The following TRIM2 variants were observed in gnomAD, a reference collection of about 807,000 sequenced individuals.
TRIM2 encodes tripartite motif containing 2.
Under a neutral mutation model 75.2 loss-of-function variants are expected in TRIM2, and 20 were observed. That is an observed-to-expected ratio of 0.27 (90% confidence interval 0.19 to 0.39). The LOEUF is 0.39. Ranked by LOEUF, TRIM2 falls within the 10% of genes least tolerant of loss-of-function variation. TRIM2 has a pLI of 1.00. For synonymous variants in TRIM2, 373 were observed against 388.3 expected, an observed-to-expected ratio of 0.96 and a Z score of 0.46; for missense variants, 660 against 990.8, an observed-to-expected ratio of 0.67 and a Z score of 4.48.
chr4:153,186,245 C>A (rs531921744), intron 1 of TRIM2, among the ~76,000 whole-genome samples: 46 of 152,164 alleles, frequency 3.0e-4, no homozygotes, highest in Non-Finnish European at 1.6e-4. Flanking sequence ...AACTGGGTCA[C>A]TTTTCCTCCT....
At chr4:153,170,179 G>A (rs772419209) in intron 1 of TRIM2, among the ~76,000 whole-genome samples, 3 of 152,206 alleles carry the variant, frequency 2.0e-5, no homozygotes, top group Non-Finnish European at 2.9e-5. Flanking sequence ...GAAGGAGAAT[G>A]AAGGGTAAGA....
At chr4:153,280,189 TAGTAA>T (rs1358928564) in intron 3 of TRIM2, among the ~76,000 whole-genome samples, 1 of 151,088 alleles carries the variant, frequency 6.6e-6, no homozygotes, top group Non-Finnish European at 1.5e-5. Flanking sequence ...ACACATAGTA[TAGTAA>T]GTTTATTAAA....
chr4:153,279,421 G>T (rs146610974), intron 3 of TRIM2, among the ~76,000 whole-genome samples: 58 of 151,824 alleles, frequency 3.8e-4, no homozygotes, highest in African/African-American at 1.3e-3. Context: ...ACATGTTTAT[G>T]GGGAAAAAAC....
At chr4:153,313,435 AT>A (rs1258078564) in intron 6 of TRIM2, among the ~76,000 whole-genome samples, 1 of 151,972 alleles carries the variant, frequency 6.6e-6, no homozygotes, top group Non-Finnish European at 1.5e-5. Flanking sequence ...CTGCCCAGCA[AT>A]TTTGTTGTTG....
intron 10 of TRIM2, among the ~76,000 whole-genome samples, chr4:153,327,141 GA>G (rs946491242): frequency 6.6e-6 from 1 of 151,978 alleles, no homozygotes; most frequent in East Asian, 1.9e-4. Context: ...AAAAGAGTCA[GA>G]AAAAAAATTT....
At chr4:153,178,358 G>C (rs2149629930) in intron 1 of TRIM2, among the ~76,000 whole-genome samples, 1 of 152,258 alleles carries the variant, frequency 6.6e-6, no homozygotes, top group South Asian at 2.1e-4. Flanking sequence ...TCGATGACCA[G>C]TTACTGTACT....
chr4:153,324,602 C>G (rs1326319916), intron 10 of TRIM2: 3 of 160,164 alleles, frequency 1.9e-5, no homozygotes, highest in African/African-American at 7.2e-5. Context: ...ATATTTTATA[C>G]TTCTTAGAAT....
chr4:153,185,865 T>G (rs1033239453), intron 1 of TRIM2, among the ~76,000 whole-genome samples: 3 of 152,078 alleles, frequency 2.0e-5, no homozygotes, highest in Admixed American at 2.0e-4. Context: ...GAGGAGGAGT[T>G]TGATAAGAAA....
intron 6 of TRIM2, among the ~76,000 whole-genome samples, chr4:153,311,894 T>TTTATTTATTTA (rs1766409791): frequency 6.9e-6 from 1 of 144,298 alleles, no homozygotes; most frequent in African/African-American, 2.6e-5. Flanking sequence ...GTTTTTATTC[T>TTTATTTATTTA]TTTATTTATT....
intron 11 of TRIM2, among the ~76,000 whole-genome samples, chr4:153,333,236 A>G (rs1771885415): frequency 1.3e-5 from 2 of 152,350 alleles, no homozygotes; most frequent in Non-Finnish European, 1.5e-5. Context: ...TACATACTAT[A>G]TGATTCTATT....
chr4:153,254,937 G>A (rs959272173), intron 1 of TRIM2, among the ~76,000 whole-genome samples: 1 of 152,118 alleles, frequency 6.6e-6, no homozygotes, highest in African/African-American at 2.4e-5. Context: ...CCAGGCTTCA[G>A]CTATACTTAG....
At chr4:153,331,614 T>C (rs920251062) in intron 11 of TRIM2, among the ~76,000 whole-genome samples, 1 of 152,204 alleles carries the variant, frequency 6.6e-6, no homozygotes, top group African/African-American at 2.4e-5. Flanking sequence ...GCAGGATTTT[T>C]TGCAGATATA....
rs202015985 is a variant in TRIM2, at chr4:153,179,281, TTAA to T, written c.-49+26014_-49+26016del. Among the ~76,000 whole-genome samples the T allele has an allele frequency of 6.6e-3, 956 of 145,510 alleles. 10 individuals carry two copies. The highest frequency in any genetic ancestry group is 0.023 in the African/African-American group (866 of 36,894). On this transcript the variant is annotated intron_variant, in intron 1 of 11. Transcript: ENST00000437508. Reference sequence around the variant, plus strand: ...CCTACTTAATAATAAAATTAATTTATTAATATTAATACTTAAATTTATGTTAAA... The same window carrying T: ...CCTACTTAATAATAAAATTAATTTATTATTAATACTTAAATTTATGTTAAA...
intron 1 of TRIM2, among the ~76,000 whole-genome samples, chr4:153,161,495 A>G (rs1182071952): frequency 6.6e-6 from 1 of 152,224 alleles, no homozygotes; most frequent in Non-Finnish European, 1.5e-5. Context: ...AAGCAGGTGC[A>G]GGAGTTGGAG....
chr4:153,273,270 C>CTTTTTTTTTTTTTT lies in TRIM2; in HGVS notation c.216-2613_216-2600dup, dbSNP rs72414117. 1.9e-3 allele frequency among the ~76,000 whole-genome samples: 108 copies of CTTTTTTTTTTTTTT among 57,382 alleles called. 20 individuals are homozygous for CTTTTTTTTTTTTTT. Among genetic ancestry groups the CTTTTTTTTTTTTTT allele is most frequent in the South Asian group, 3.9e-3 (4 of 1,024 alleles). 37.6% of individuals were successfully genotyped at this position (57,382 alleles called of 152,430 possible). On this transcript the variant is annotated intron_variant, in intron 2 of 11. Transcript: ENST00000338700. ...ACTCAGTGAGCACCTTACAGTCACT[C>CTTTTTTTTTTTTTT]TTTTTTTTTTTTTTTTTTTTTTTGA...
At chr4:153,271,488 C>A (rs1427280262) in intron 2 of TRIM2, among the ~76,000 whole-genome samples, 1 of 152,030 alleles carries the variant, frequency 6.6e-6, no homozygotes, top group Non-Finnish European at 1.5e-5. Context: ...TAACCATATC[C>A]TTCATGGTGG....
chr4:153,262,347 G>A (rs954444817), intron 1 of TRIM2, among the ~76,000 whole-genome samples: 1 of 152,116 alleles, frequency 6.6e-6, no homozygotes, highest in African/African-American at 2.4e-5. Context: ...CTTGGGTCAG[G>A]GATGAAATCA....
intron 1 of TRIM2, among the ~76,000 whole-genome samples, chr4:153,197,035 T>C (rs927681523): frequency 2.0e-5 from 3 of 152,212 alleles, no homozygotes; most frequent in Non-Finnish European, 2.9e-5. Context: ...AGAAAACCCA[T>C]TGGCATGTTT....
Position 153,256,912 on chromosome 4 carries a change from T to A in TRIM2, c.31-13423T>A, listed in dbSNP as rs180934313. On this transcript the variant is annotated intron_variant, in intron 1 of 11. Transcript: ENST00000338700. ...TAGGGGCTTGTGGAACTGGACTGTT[T>A]GTTTGTTTGTTTGTTTTTTGCATTT... Among the ~76,000 whole-genome samples, 18 of 152,100 alleles carry A rather than the reference T, an allele frequency of 1.2e-4. No individual in the cohort carries two copies. In the East Asian group the frequency reaches 3.1e-3, roughly 26 times the overall value.
Sources: allele counts gnomAD v4.1 joint callset (sites outside exome capture counted in the v4.1 genomes callset), GRCh38; gene constraint gnomAD v4.1.1; transcripts MANE v1.5; gene names NCBI Gene and HGNC (gene_info 2026-07-23, HGNC 2026-07-21).